Variants in TENM4 observed in about 807,000 individuals in gnomAD.
TENM4 encodes teneurin transmembrane protein 4.
Under a neutral mutation model 243.3 loss-of-function variants are expected in TENM4, and 82 were observed. The observed-to-expected ratio is 0.34, with a 90% CI of 0.28 to 0.40. The LOEUF is 0.40. Among genes scored for constraint, TENM4 ranks in the 10% least tolerant of loss-of-function variants. TENM4 has a pLI of 1.00. For missense variants in TENM4, 3,138 were observed against 3,673.3 expected (o/e 0.85, Z 3.77); for synonymous variants, 1,412 against 1,456.3 (o/e 0.97, Z 0.69).
At chr11:79,418,133 AATTATAT>A (rs58104911) in intron 1 of TENM4, among the ~76,000 whole-genome samples, 94,384 of 151,176 alleles carry the variant, frequency 0.62, 29,475 homozygotes, top group African/African-American at 0.64. Flanking sequence ...AAGTAACATA[AATTATAT>A]ATTATATATG....
At chr11:79,084,994 A>G (rs1237775554) in intron 4 of TENM4, among the ~76,000 whole-genome samples, 6 of 152,202 alleles carry the variant, frequency 3.9e-5, no homozygotes, top group Non-Finnish European at 1.5e-5. Flanking sequence ...GGAGAGACTG[A>G]GTAAAGGGTA....
chr11:79,194,571 AGACACTG>A (rs1863581955), intron 3 of TENM4, among the ~76,000 whole-genome samples: 1 of 152,148 alleles, frequency 6.6e-6, no homozygotes, highest in African/African-American at 2.4e-5. Context: ...GTTTTGGCAA[AGACACTG>A]GAATCATATT....
rs914774086 is a variant in TENM4, at chr11:78,738,444, C to G, written c.2876+7G>C. The G allele has an allele frequency of 6.2e-6, 10 of 1,612,840 alleles. No homozygotes were observed. The African/African-American group carries it at 9.3e-5, about 15-fold the overall frequency. ...TCACTGTTTCTGGCTCATAGAAGGT[C>G]TCCTACCTGCCATCTTGCCTGCTGA... On this transcript the variant is annotated splice_region_variant and intron_variant, in intron 20 of 33. Coordinates refer to ENST00000278550, the MANE Select transcript of TENM4 (RefSeq NM_001098816.3).
rs555274080 is a variant in TENM4, at chr11:79,193,463, G to A, written c.-163+22345C>T. ...CCTAGGTCCTACGGCACTGTCTGGT[G>A]CATTGGACTGAGAATCAGGAGACAA... is the stretch of plus-strand genomic sequence containing the variant. On this transcript the variant is annotated intron_variant, in intron 3 of 33. Coordinates refer to ENST00000278550, the MANE Select transcript of TENM4 (RefSeq NM_001098816.3). 6.7e-4 allele frequency among the ~76,000 whole-genome samples: 102 copies of A among 152,306 alleles called. No homozygotes were observed. The South Asian group carries it at 0.021, about 31-fold the overall frequency.
intron 12 of TENM4, among the ~76,000 whole-genome samples, chr11:78,817,864 G>C (rs958889922): frequency 6.6e-6 from 1 of 151,934 alleles, no homozygotes; most frequent in South Asian, 2.1e-4. Flanking sequence ...TGCTCCTACC[G>C]TACGTTCCTG....
chr11:79,046,193 GC>G (rs1859653108), intron 6 of TENM4, among the ~76,000 whole-genome samples: 1 of 152,234 alleles, frequency 6.6e-6, no homozygotes, highest in Non-Finnish European at 1.5e-5. Context: ...TCCTGGCCCA[GC>G]CTGGTCAGCT....
In TENM4 at chr11:79,069,758, T is replaced by A. The variant is rs1860359747; in HGVS notation, c.187A>T (p.Ile63Phe). The change falls in exon 5 of 34, where the codon ATT (isoleucine) becomes TTT (phenylalanine). Residue 63 changes from isoleucine to phenylalanine, a missense_variant. Transcript: ENST00000278550. ...AATTCCTCGGCCTCCTGCGGCACAATGTCCTTGACGCGGCTGCCATAGGCT... is the reference window on the plus strand; with the variant it reads ...AATTCCTCGGCCTCCTGCGGCACAAAGTCCTTGACGCGGCTGCCATAGGCT... ...RLAYGSRVKDIVPQEAEEFCR... is the reference protein window; with the variant it reads ...RLAYGSRVKDFVPQEAEEFCR... 5.8e-6 allele frequency: 9 copies of A among 1,551,194 alleles called. No individual in the cohort carries two copies. The East Asian group carries it at 2.0e-4, about 34-fold the overall frequency.
intron 6 of TENM4, among the ~76,000 whole-genome samples, chr11:78,981,211 G>A (rs1231005381): frequency 6.6e-6 from 1 of 152,140 alleles, no homozygotes; most frequent in African/African-American, 2.4e-5. Context: ...ATGGATGACT[G>A]CATTCAAGTG....
chr11:79,032,944 G>T (rs1859284048), intron 6 of TENM4, among the ~76,000 whole-genome samples: 1 of 152,060 alleles, frequency 6.6e-6, no homozygotes, highest in Admixed American at 6.5e-5. Flanking sequence ...GGCTTATTTG[G>T]AGTGGAAATT....
intron 7 of TENM4, among the ~76,000 whole-genome samples, chr11:78,895,360 G>A (rs1280062391): frequency 6.6e-6 from 1 of 151,154 alleles, no homozygotes; most frequent in Non-Finnish European, 1.5e-5. Context: ...AAGAAAAAAC[G>A]AAATAGTCTT....
At chr11:79,004,811 A>G (rs182056562) in intron 6 of TENM4, among the ~76,000 whole-genome samples, 61 of 152,214 alleles carry the variant, frequency 4.0e-4, no homozygotes, top group Non-Finnish European at 7.5e-4. Flanking sequence ...TGAATCCAGG[A>G]GTTGGTTTTT....
intron 12 of TENM4, among the ~76,000 whole-genome samples, chr11:78,836,465 T>C (rs1015167689): frequency 9.2e-5 from 14 of 152,174 alleles, no homozygotes; most frequent in African/African-American, 3.4e-4. Flanking sequence ...TCCTATTCAG[T>C]AGGTTGTGTG....
At chr11:79,005,928 A>G (rs1247480013) in intron 6 of TENM4, among the ~76,000 whole-genome samples, 12 of 152,242 alleles carry the variant, frequency 7.9e-5, no homozygotes, top group Non-Finnish European at 1.8e-4. Context: ...TACAAAAATC[A>G]GTAGCATTTC....
chr11:79,413,846 A>G (rs1472749248), intron 1 of TENM4, among the ~76,000 whole-genome samples: 1 of 152,162 alleles, frequency 6.6e-6, no homozygotes, highest in African/African-American at 2.4e-5. Flanking sequence ...TAAAGTATGT[A>G]AAAAAGAATC....
intron 2 of TENM4, among the ~76,000 whole-genome samples, chr11:79,296,011 AG>A (rs1856446370): frequency 6.6e-6 from 1 of 151,960 alleles, no homozygotes; most frequent in Non-Finnish European, 1.5e-5. Flanking sequence ...ACAGCATTCT[AG>A]GTGCATCTAC....
chr11:78,834,496 G>A (rs906242261), intron 12 of TENM4, among the ~76,000 whole-genome samples: 3 of 152,176 alleles, frequency 2.0e-5, no homozygotes. Context: ...GTAAGGTGAT[G>A]GAGTGGGGAC....
chr11:78,997,315 A>C (rs1858200590), intron 6 of TENM4, among the ~76,000 whole-genome samples: 1 of 152,234 alleles, frequency 6.6e-6, no homozygotes, highest in African/African-American at 2.4e-5. Context: ...AAATCCCATC[A>C]GTCTCCAAAG....
chr11:79,116,860 C>A (rs1221205266), intron 4 of TENM4, among the ~76,000 whole-genome samples: 2 of 152,168 alleles, frequency 1.3e-5, no homozygotes, highest in Non-Finnish European at 2.9e-5. Context: ...GTCTACCCCA[C>A]AGGGCTTTTT....
intron 6 of TENM4, among the ~76,000 whole-genome samples, chr11:78,941,538 A>T (rs1006582206): frequency 2.6e-5 from 4 of 152,114 alleles, no homozygotes; most frequent in African/African-American, 9.7e-5. Context: ...TGTGACTTGG[A>T]AGCAGCCTGA....
Sources: allele counts gnomAD v4.1 joint callset (sites outside exome capture counted in the v4.1 genomes callset), GRCh38; gene constraint gnomAD v4.1.1; transcripts MANE v1.5; gene names NCBI Gene and HGNC (gene_info 2026-07-23, HGNC 2026-07-21).